Variants in ZC3H14 observed in about 807,000 individuals in gnomAD.
ZC3H14 encodes the protein zinc finger CCCH domain-containing protein 14.
ZC3H14 carries 31 observed loss-of-function variants against 92.4 expected under a neutral mutation model. That is an observed-to-expected ratio of 0.34 (90% CI 0.25 to 0.45). ZC3H14 has a LOEUF of 0.45. Among genes scored for constraint, ZC3H14 ranks in the 20% least tolerant of loss-of-function variants. The probability of loss-of-function intolerance (pLI) is 1.00; values close to 1 mark genes in which losing one functional copy is unlikely to be tolerated. For synonymous variants in ZC3H14, 321 were observed against 300.9 expected (o/e 1.07, Z -0.69); for missense variants, 781 against 897.3 (o/e 0.87, Z 1.66).
intron 9 of ZC3H14, chr14:88,591,850 A>C (rs2083179292): frequency 6.6e-6 from 1 of 152,232 alleles, no homozygotes; most frequent in South Asian, 2.1e-4. Flanking sequence ...TTAATGTATC[A>C]TGGGAGAGTC....
At chr14:88,609,657 TA>T (rs772379427) in intron 14 of ZC3H14, 54 bp from the exon 15 acceptor site, 65 of 1,599,272 alleles carry the variant, frequency 4.1e-5, no homozygotes, top group Non-Finnish European at 5.0e-5. Context: ...TAGACTGCAT[TA>T]AAAATGGGTT....
rs565997329 is a variant in ZC3H14, at chr14:88,618,978, A to T, written c.*7227A>T. On this transcript the variant is annotated 3_prime_UTR_variant, in exon 17 of 17. Coordinates refer to ENST00000251038, the MANE Select transcript of ZC3H14 (RefSeq NM_024824.5). ...CATGTATACTGAGATTGTCTGGGTT[A>T]CATGAAATAAGGAAGCTTTATATTT... 19 of 522,502 alleles carry T rather than the reference A, an allele frequency of 3.6e-5. No individual in the cohort carries two copies. In the East Asian group the frequency reaches 3.9e-4, roughly 11 times the overall value. The allele number at this position is 522,502 out of a possible 1,614,324, so 32.4% of individuals were successfully genotyped here.
At chr14:88,596,690 G>A (rs1362910293) in intron 9 of ZC3H14, 44 bp from the exon 10 acceptor site, 2 of 1,542,232 alleles carry the variant, frequency 1.3e-6, no homozygotes, top group East Asian at 2.2e-5. Context: ...TGCTGGTATT[G>A]TCTGTGTTGT....
chr14:88,566,869 G>A (rs61984711), intron 2 of ZC3H14, among the ~76,000 whole-genome samples: 2 of 151,046 alleles, frequency 1.3e-5, no homozygotes, highest in Non-Finnish European at 1.5e-5. Flanking sequence ...GCAGTGAGCC[G>A]AGATTGTGCC....
At chr14:88,573,830 TG>T (rs1433816182) in intron 6 of ZC3H14, 1 of 152,370 alleles carries the variant, frequency 6.6e-6, no homozygotes, top group Non-Finnish European at 1.5e-5. Context: ...TGGACCAGGC[TG>T]GTCTTGAACT....
chr14:88,568,953 C>T (rs1273357768), intron 3 of ZC3H14, among the ~76,000 whole-genome samples: 1 of 152,030 alleles, frequency 6.6e-6, no homozygotes, highest in Non-Finnish European at 1.5e-5. Flanking sequence ...ACAATCATGG[C>T]TCGCTGCAGC....
chr14:88,603,037 AC>A lies in ZC3H14; in HGVS notation c.1727del (p.Pro576GlnfsTer10). ...CACTTGCTGAGCAGGCAGCTTGAGG[AC>A]CCAAATGGTAGCTTTTCTAACGGTG... Reference protein sequence around the residue: ...QLHLLSRQLEDPNGSFSNAEM... With the variant: ...QLHLLSRQLEXPNGSFSNAEM... On this transcript the variant is annotated frameshift_variant, in exon 12 of 17. Transcript: ENST00000251038. LOFTEE classifies it high-confidence loss of function. The A allele has an allele frequency of 6.2e-7, 1 of 1,614,150 alleles. No homozygotes were observed. The highest frequency in any genetic ancestry group is 8.5e-7 in the Non-Finnish European group (1 of 1,179,998).
intron 10 of ZC3H14, among the ~76,000 whole-genome samples, chr14:88,598,367 A>G (rs1187605993): frequency 6.6e-6 from 1 of 152,194 alleles, no homozygotes; most frequent in Non-Finnish European, 1.5e-5. Flanking sequence ...TTTTTCAAGT[A>G]ATAGCCTGGT....
chr14:88,571,242 T>C, intron 4 of ZC3H14, 118 bp downstream of exon 4: 1 of 842,030 alleles, frequency 1.2e-6, no homozygotes, highest in South Asian at 2.2e-5. Context: ...CATTTGAACT[T>C]TTTTAGAAAG....
rs2139399976 is a variant in ZC3H14, at chr14:88,563,050, T to G, written c.-84T>G. ...CGGAACGGAGGAGGAGGCGGTGGTGTCCCGGCTGCGGGGTAGGAGTCCGCG... is the reference window on the plus strand; with the variant it reads ...CGGAACGGAGGAGGAGGCGGTGGTGGCCCGGCTGCGGGGTAGGAGTCCGCG... On this transcript the variant is annotated 5_prime_UTR_variant, in exon 1 of 17. Transcript: ENST00000251038. 6.6e-7 allele frequency: 1 copy of G among 1,523,964 alleles called. No homozygotes were observed. The highest frequency in any genetic ancestry group is 8.8e-7 in the Non-Finnish European group (1 of 1,138,486). The allele number at this position is 1,523,964 out of a possible 1,614,324, so 94.4% of individuals were successfully genotyped here.
chr14:88,583,761 C>T (rs2082176796), intron 9 of ZC3H14, among the ~76,000 whole-genome samples: 1 of 152,146 alleles, frequency 6.6e-6, no homozygotes, highest in South Asian at 2.1e-4. Context: ...CTTCCACATG[C>T]ATTTTGGAAG....
intron 3 of ZC3H14, among the ~76,000 whole-genome samples, chr14:88,570,292 C>T (rs888691827): frequency 3.9e-5 from 6 of 152,058 alleles, no homozygotes; most frequent in African/African-American, 1.4e-4. Flanking sequence ...TAGCATGTGA[C>T]TAGGGTTCTC....
In ZC3H14 at chr14:88,616,665, C is replaced by T; in HGVS notation, c.*4914C>T. On this transcript the variant is annotated 3_prime_UTR_variant, in exon 17 of 17. Transcript: ENST00000251038. The stretch of plus-strand genomic sequence containing the variant: ...CATTTTAAATATATGGGGAAAAGTG[C>T]TGATGATAAGACATCAAAATTAGGA... 1 of 1,441,826 alleles carries T rather than the reference C, an allele frequency of 6.9e-7. No individual in the cohort carries two copies. The highest frequency in any genetic ancestry group is 2.4e-5 in the East Asian group (1 of 42,004). 89.3% of individuals were successfully genotyped at this position (1,441,826 alleles called of 1,614,324 possible). A position where few individuals can be genotyped will look rare whatever the true frequency, so the allele number is the denominator to read the frequency against.
chr14:88,627,319 T>C lies in ZC3H14; in HGVS notation c.*15568T>C, dbSNP rs927162769. The C allele has an allele frequency of 2.1e-6, 1 of 481,306 alleles. No homozygotes were observed. Among genetic ancestry groups the C allele is most frequent in the African/African-American group, 1.9e-5 (1 of 52,012 alleles). The allele number at this position is 481,306 out of a possible 1,614,324, so 29.8% of individuals were successfully genotyped here. The stretch of plus-strand genomic sequence containing the variant: ...TTATCCTGCTGATCTGCCATTATCA[T>C]TAGAAATATACATAATTTTCATAAG... On this transcript the variant is annotated 3_prime_UTR_variant, in exon 17 of 17. Transcript: ENST00000251038.
In ZC3H14 at chr14:88,624,878, C is replaced by T. The variant is rs1694980442; in HGVS notation, c.*13127C>T. 1.4e-6 allele frequency: 2 copies of T among 1,429,100 alleles called. No individual in the cohort carries two copies. The highest frequency in any genetic ancestry group is 2.9e-5 in the African/African-American group (2 of 70,158). 88.5% of individuals were successfully genotyped at this position (1,429,100 alleles called of 1,614,324 possible). On this transcript the variant is annotated 3_prime_UTR_variant, in exon 17 of 17. Transcript: ENST00000251038. Reference sequence around the variant, plus strand: ...GAGGAGGAAGGTCGGAGAGGACACTCTGTGTAGCCTAGAAACAACTAGAAT... The same window carrying T: ...GAGGAGGAAGGTCGGAGAGGACACTTTGTGTAGCCTAGAAACAACTAGAAT...
Position 88,603,060 on chromosome 14 carries a change from G to A in ZC3H14, c.1747G>A (p.Ala583Thr), listed in dbSNP as rs752189063. The stretch of plus-strand genomic sequence containing the variant: ...GGACCCAAATGGTAGCTTTTCTAAC[G>A]GTGTGTTGAGAGCTCAGATTTTCAG... ...LEDPNGSFSN[A>T]EMSELSVAQK... Residue 583 changes from alanine to threonine, a missense_variant and splice_region_variant, in exon 12 of 17, where the codon GCT (alanine) becomes ACT (threonine). Transcript: ENST00000251038. The A allele has an allele frequency of 3.7e-6, 6 of 1,613,842 alleles. No homozygotes were observed. Among genetic ancestry groups the A allele is most frequent in the Admixed American group, 1.7e-5 (1 of 60,006 alleles).
At position 88,619,569 on chromosome 14, in the gene ZC3H14, T is replaced by C. The variant is rs998233860; in HGVS notation, c.*7818T>C. 6.6e-6 allele frequency: 1 copy of C among 152,236 alleles called. No individual in the cohort carries two copies. The highest frequency in any genetic ancestry group is 1.5e-5 in the Non-Finnish European group (1 of 68,028). 9.4% of individuals were successfully genotyped at this position (152,236 alleles called of 1,614,324 possible). A position where few individuals can be genotyped will look rare whatever the true frequency, so the allele number is the denominator to read the frequency against. On this transcript the variant is annotated 3_prime_UTR_variant, in exon 17 of 17. Coordinates refer to ENST00000251038, the MANE Select transcript of ZC3H14 (RefSeq NM_024824.5). ...TTAATAAGCTAACAATTCATTAAGA[T>C]AGTTTTCTTCCATCTGGAAAAAACG...
intron 9 of ZC3H14, chr14:88,586,744 C>T (rs944017067): frequency 2.0e-5 from 3 of 152,032 alleles, no homozygotes; most frequent in African/African-American, 7.2e-5. Context: ...TACATGCTCA[C>T]CATAGAAAAT....
Position 88,602,073 on chromosome 14 carries a change from A to T in ZC3H14, c.1504A>T (p.Met502Leu). Residue 502 changes from methionine to leucine, a missense_variant, in exon 11 of 17, where the codon ATG becomes TTG. Met to Leu is a conservative substitution (Grantham distance 15, BLOSUM62 2). This residue lies in a region of ZC3H14 where 221 missense variants were observed against 304.7 expected (regional missense o/e 0.73). Transcript: ENST00000251038. The stretch of plus-strand genomic sequence containing the variant: ...CCTTCGGGTACTTTCAGGACACCTT[A>T]TGCAGACACGGTAGATGGTTTCTTT... ...DSLRVLSGHL[M>L]QTRDLVQPDK... The T allele has an allele frequency of 6.2e-7, 1 of 1,614,026 alleles. No homozygotes were observed.
Sources: allele counts gnomAD v4.1 joint callset (sites outside exome capture counted in the v4.1 genomes callset), GRCh38; gene constraint gnomAD v4.1.1; regional missense constraint gnomAD v4.1.1; transcripts MANE v1.5; gene names NCBI Gene and HGNC (gene_info 2026-07-23, HGNC 2026-07-21).